Variants in CCDC69 observed in about 807,000 individuals in gnomAD.
CCDC69 encodes the protein coiled-coil domain-containing protein 69.
CCDC69 carries 38 observed loss-of-function variants against 40.3 expected under a neutral mutation model. The observed-to-expected ratio is 0.94, with a 90% CI of 0.73 to 1.24. The LOEUF is 1.24. Among genes scored for constraint, CCDC69 ranks in the 50% most tolerant of loss-of-function variants. CCDC69 has a pLI of 0.00. For synonymous variants in CCDC69, 141 were observed against 138.9 expected (o/e 1.02, Z -0.11); for missense variants, 389 against 357.9 (o/e 1.09, Z -0.70).
At chr5:151,203,040 C>G (rs377442462) in intron 2 of CCDC69, among the ~76,000 whole-genome samples, 2 of 152,230 alleles carry the variant, frequency 1.3e-5, no homozygotes, top group East Asian at 1.9e-4. Context: ...ACCCTATAGT[C>G]GTGAGTAATA....
At chr5:151,204,178 C>T (rs1274695761) in intron 2 of CCDC69, among the ~76,000 whole-genome samples, 2 of 151,882 alleles carry the variant, frequency 1.3e-5, no homozygotes, top group African/African-American at 4.8e-5. Flanking sequence ...TACAGGCACA[C>T]CGCCACTCCA....
chr5:151,214,980 C>A (rs550406578), intron 1 of CCDC69, among the ~76,000 whole-genome samples: 7 of 152,200 alleles, frequency 4.6e-5, no homozygotes, highest in Non-Finnish European at 1.0e-4. Context: ...GTTTTCTTGT[C>A]CCATATCAGC....
At chr5:151,218,342 T>G (rs1428524571) in intron 1 of CCDC69, among the ~76,000 whole-genome samples, 1 of 152,076 alleles carries the variant, frequency 6.6e-6, no homozygotes, top group Non-Finnish European at 1.5e-5. Context: ...AGTCTGGCCC[T>G]CTCCCCTGGT....
chr5:151,198,287 GATTGATCTATCTATCTATCT>G (rs1377765884), intron 4 of CCDC69, among the ~76,000 whole-genome samples: 5 of 141,916 alleles, frequency 3.5e-5, no homozygotes, highest in Non-Finnish European at 7.8e-5. Context: ...TAGAGAATGA[GATTGATCTATCTATCTATCT>G]ATCTATCTAT....
intron 1 of CCDC69, among the ~76,000 whole-genome samples, chr5:151,206,370 T>C (rs1262951882): frequency 1.3e-5 from 2 of 152,108 alleles, no homozygotes; most frequent in Admixed American, 6.5e-5. Flanking sequence ...GGCTTCATTA[T>C]GTAGGCATGA....
chr5:151,206,926 G>A (rs1288641604), intron 1 of CCDC69, among the ~76,000 whole-genome samples: 1 of 145,294 alleles, frequency 6.9e-6, no homozygotes, highest in Admixed American at 6.9e-5. Context: ...CACCGCACTC[G>A]ACCTTTTTTT....
intron 1 of CCDC69, among the ~76,000 whole-genome samples, chr5:151,207,871 A>G (rs779339021): frequency 1.3e-5 from 2 of 152,132 alleles, no homozygotes; most frequent in Non-Finnish European, 2.9e-5. Context: ...AGAAAGAAAG[A>G]GAGAAGGAAG....
intron 4 of CCDC69, among the ~76,000 whole-genome samples, chr5:151,190,103 A>G (rs1324516660): frequency 6.6e-6 from 1 of 152,238 alleles, no homozygotes; most frequent in African/African-American, 2.4e-5. Flanking sequence ...AAATTCTTCA[A>G]ATGAAACCAG....
intron 1 of CCDC69, among the ~76,000 whole-genome samples, chr5:151,208,896 G>A (rs188570633): frequency 6.6e-6 from 1 of 152,192 alleles, no homozygotes; most frequent in East Asian, 1.9e-4. Context: ...TTAACTGGAT[G>A]ATCCCATAGT....
chr5:151,187,725 T>C (rs1752545580), intron 4 of CCDC69, among the ~76,000 whole-genome samples: 1 of 152,158 alleles, frequency 6.6e-6, no homozygotes, highest in African/African-American at 2.4e-5. Flanking sequence ...CATCCACACC[T>C]CACTAAAGCT....
chr5:151,199,184 T>G, intron 3 of CCDC69, 100 bp from the exon 4 acceptor site: 1 of 886,200 alleles, frequency 1.1e-6, no homozygotes, highest in Non-Finnish European at 1.9e-6. Context: ...GTGACCAGAG[T>G]CCTAACCCTT....
At chr5:151,202,259 A>G (rs1373299981) in intron 2 of CCDC69, among the ~76,000 whole-genome samples, 1 of 151,274 alleles carries the variant, frequency 6.6e-6, no homozygotes, top group African/African-American at 2.4e-5. Context: ...TACTAGGGAG[A>G]CCAAAGCAGG....
chr5:151,187,715 C>T (rs1194404225), intron 4 of CCDC69, among the ~76,000 whole-genome samples: 1 of 152,176 alleles, frequency 6.6e-6, no homozygotes, highest in Non-Finnish European at 1.5e-5. Context: ...TTGCGGGTGC[C>T]ATCCACACCT....
At chr5:151,184,635 A>G in intron 7 of CCDC69, 194 bp from the exon 8 acceptor site, 1 of 510,574 alleles carries the variant, frequency 2.0e-6, no homozygotes. Flanking sequence ...TTTTTGCCAC[A>G]GGAGAATGGT....
intron 1 of CCDC69, among the ~76,000 whole-genome samples, chr5:151,214,752 G>A (rs1206788624): frequency 6.6e-6 from 1 of 152,140 alleles, no homozygotes; most frequent in Non-Finnish European, 1.5e-5. Flanking sequence ...GGGCGGATGT[G>A]GTCTCCACTG....
At chr5:151,214,325 G>C (rs1753002290) in intron 1 of CCDC69, among the ~76,000 whole-genome samples, 1 of 152,310 alleles carries the variant, frequency 6.6e-6, no homozygotes, top group Non-Finnish European at 1.5e-5. Context: ...GAAGGAGGCG[G>C]GGAGTGTGGC....
intron 2 of CCDC69, 106 bp from the exon 3 acceptor site, chr5:151,201,794 C>A (rs1752780491): frequency 3.3e-6 from 2 of 606,752 alleles, no homozygotes; most frequent in South Asian, 2.2e-5. Context: ...GGATGAGAAC[C>A]CTGGTCTCTG....
intron 8 of CCDC69, 87 bp from the exon 9 acceptor site, chr5:151,183,701 T>C: frequency 8.2e-7 from 1 of 1,226,028 alleles, no homozygotes. Flanking sequence ...CTTCCTTAGA[T>C]GGACCAGCAG....
chr5:151,198,702 A>G (rs1752735809), intron 4 of CCDC69: 1 of 321,992 alleles, frequency 3.1e-6, no homozygotes, highest in Non-Finnish European at 5.7e-6. Context: ...AAATTCTTCT[A>G]TTTGTCTGGG....
Sources: gnomAD v4.1 joint callset for allele counts (sites outside exome capture counted in the v4.1 genomes callset) on GRCh38, gnomAD v4.1.1 for gene constraint, MANE v1.5 for transcripts, NCBI Gene and HGNC (gene_info 2026-07-23, HGNC 2026-07-21) for gene names.